Variants in PCDHGA12 observed in about 807,000 individuals in gnomAD.
PCDHGA12 encodes protocadherin gamma-A12.
Under a neutral mutation model 61.1 loss-of-function variants are expected in PCDHGA12, and 43 were observed. The observed-to-expected ratio is 0.70, with a 90% CI of 0.55 to 0.91. PCDHGA12 has a LOEUF of 0.91. PCDHGA12 is among the 40% of genes least tolerant of loss of function. PCDHGA12 has a pLI of 0.00. For missense variants in PCDHGA12, 1,236 were observed against 1,227.7 expected (o/e 1.01, Z -0.10); for synonymous variants, 520 against 542.9 (o/e 0.96, Z 0.59).
At chr5:141,501,305 A>G (rs2099807563) in intron 2 of PCDHGA12, among the ~76,000 whole-genome samples, 1 of 151,322 alleles carries the variant, frequency 6.6e-6, no homozygotes, top group African/African-American at 2.4e-5. Flanking sequence ...ACACACACAC[A>G]CACACACACA....
rs1362496624 is a variant in PCDHGA12, at chr5:141,432,370, C to T, written c.1611C>T (p.Asn537=). Residue 537 remains asparagine, a synonymous_variant, in exon 1 of 4, where the codon AAC becomes AAT. Coordinates refer to ENST00000252085, the MANE Select transcript of PCDHGA12 (RefSeq NM_003735.3). This position sits in a 1 kb window ranked among gnomAD's most constrained non-coding sequence, Gnocchi z 6.0. ...AAGTGAAAGTGATGGCGCGGGACAA[C>T]GGGCACCCGCCCCTCAGCAGCAACG... ...DLQVKVMARD[N]GHPPLSSNVS... is the part of the protein sequence containing the mutation. The T allele has an allele frequency of 6.2e-7, 1 of 1,614,240 alleles. No individual in the cohort carries two copies. Among genetic ancestry groups the T allele is most frequent in the Non-Finnish European group, 8.5e-7 (1 of 1,180,048 alleles).
At chr5:141,449,538 G>A (rs1445815017) in intron 1 of PCDHGA12, among the ~76,000 whole-genome samples, 15 of 145,960 alleles carry the variant, frequency 1.0e-4, no homozygotes, top group East Asian at 4.0e-4. Flanking sequence ...GCAGTGAGCC[G>A]AGATCGCACC....
rs200464357 is a variant in PCDHGA12 at position 141,489,983 on chromosome 5, G to A, written c.2425-4824G>A. 4.5e-5 allele frequency: 73 copies of A among 1,614,172 alleles called. No homozygotes were observed. Among genetic ancestry groups the A allele is most frequent in the Middle Eastern group, 3.3e-4 (2 of 6,062 alleles). ...CCAACCTTCCAATCCTCAGTTCTAC[G>A]TGTGGGAATCCCAGAGAATGCACCC... On this transcript the variant is annotated intron_variant, in intron 1 of 3. Coordinates refer to ENST00000252085, the MANE Select transcript of PCDHGA12 (RefSeq NM_003735.3). This position sits in a 1 kb window ranked among gnomAD's most constrained non-coding sequence, Gnocchi z 4.5.
chr5:141,499,253 T>C (rs1189676230), intron 2 of PCDHGA12, among the ~76,000 whole-genome samples: 1 of 152,030 alleles, frequency 6.6e-6, no homozygotes, highest in Non-Finnish European at 1.5e-5. Context: ...ACAAAGAGTC[T>C]CCATTTGGTC....
intron 1 of PCDHGA12, among the ~76,000 whole-genome samples, chr5:141,462,783 T>C (rs1313584666): frequency 6.6e-6 from 1 of 152,236 alleles, no homozygotes; most frequent in Non-Finnish European, 1.5e-5. Flanking sequence ...CATAATTTGT[T>C]GCTTATTTGC....
rs768648952 is a variant in PCDHGA12 at position 141,477,230 on chromosome 5, G to C, written c.2425-17577G>C. 6.2e-7 allele frequency: 1 copy of C among 1,614,046 alleles called. No homozygotes were observed. Among genetic ancestry groups the C allele is most frequent in the East Asian group, 2.2e-5 (1 of 44,890 alleles). ...GGATGCCCCTCTGGGGACTGTCATC[G>C]CTTTGCTCAGTGTGACTGACCTGGA... On this transcript the variant is annotated intron_variant, in intron 1 of 3. Transcript: ENST00000252085. The surrounding 1 kb of genome is among the most constrained non-coding windows in gnomAD (Gnocchi z 4.9).
intron 2 of PCDHGA12, among the ~76,000 whole-genome samples, chr5:141,500,254 G>A (rs1260325865): frequency 1.3e-5 from 2 of 150,426 alleles, no homozygotes; most frequent in Non-Finnish European, 3.0e-5. Context: ...TGTCACCCAG[G>A]CTGGACTGCA....
intron 1 of PCDHGA12, among the ~76,000 whole-genome samples, chr5:141,434,021 C>A (rs1023145172): frequency 2.0e-5 from 3 of 152,052 alleles, no homozygotes; most frequent in Admixed American, 2.0e-4. Context: ...TTCTATGATT[C>A]TGGAAGCATG....
chr5:141,486,408 C>T lies in PCDHGA12; in HGVS notation c.2425-8399C>T. On this transcript the variant is annotated intron_variant, in intron 1 of 3. Coordinates refer to ENST00000252085, the MANE Select transcript of PCDHGA12 (RefSeq NM_003735.3). This position sits in a 1 kb window ranked among gnomAD's most constrained non-coding sequence, Gnocchi z 5.0. ...CAGTTCTCCCTGGTGACTGCTGGAC[C>T]CTTGGATCGAGAGGCCAAATCTAGC... is the stretch of plus-strand genomic sequence containing the variant. The T allele has an allele frequency of 1.2e-6, 2 of 1,614,156 alleles. No individual in the cohort carries two copies. Among genetic ancestry groups the T allele is most frequent in the South Asian group, 2.2e-5 (2 of 91,084 alleles).
At chr5:141,502,274 A>G (rs573517581) in intron 2 of PCDHGA12, among the ~76,000 whole-genome samples, 18 of 152,128 alleles carry the variant, frequency 1.2e-4, no homozygotes, top group African/African-American at 4.1e-4. Context: ...ATCAAGGAGC[A>G]TAGATTGCAT....
At position 141,432,851 on chromosome 5, in the gene PCDHGA12, G is replaced by T. The variant is rs561153330; in HGVS notation, c.2092G>T (p.Ala698Ser). 8 of 1,614,198 alleles carry T rather than the reference G, an allele frequency of 5.0e-6. No homozygotes were observed. In the African/African-American group the frequency reaches 9.3e-5, roughly 19 times the overall value. ...CACTCTGTACCTGGTGGTAGCGGTG[G>T]CCGCGGTCTCCTGCGTCTTCCTGGC... The part of the protein sequence containing the change: ...DLTLYLVVAV[A>S]AVSCVFLAFV... The change falls in exon 1 of 4, where the codon GCC becomes TCC. Residue 698 changes from alanine (A) to serine (S), a missense_variant. Transcript: ENST00000252085. This position sits in a 1 kb window ranked among gnomAD's most constrained non-coding sequence, Gnocchi z 6.0.
chr5:141,464,921 G>C (rs1562002597), intron 1 of PCDHGA12, among the ~76,000 whole-genome samples: 6 of 151,106 alleles, frequency 4.0e-5, no homozygotes, highest in Admixed American at 3.3e-4. Flanking sequence ...TTATTTTTTT[G>C]TAGAGATGTG....
intron 1 of PCDHGA12, among the ~76,000 whole-genome samples, chr5:141,464,300 A>G (rs1349155102): frequency 2.0e-5 from 3 of 149,898 alleles, no homozygotes; most frequent in East Asian, 1.9e-4. Context: ...ACTCCATTGT[A>G]TGTGCACATA....
intron 1 of PCDHGA12, among the ~76,000 whole-genome samples, chr5:141,433,594 G>A (rs1331681563): frequency 1.3e-5 from 2 of 152,086 alleles, no homozygotes; most frequent in Admixed American, 1.3e-4. Context: ...CCAGTACTTT[G>A]GGAGGCCGAG....
chr5:141,505,294 G>A, intron 2 of PCDHGA12, 99 bp from the exon 3 acceptor site: 1 of 1,572,086 alleles, frequency 6.4e-7, no homozygotes, highest in Non-Finnish European at 8.6e-7. Flanking sequence ...GCATGGGGTA[G>A]GGTTAGGGTA....
At chr5:141,471,860 A>G (rs1470502617) in intron 1 of PCDHGA12, among the ~76,000 whole-genome samples, 1 of 152,202 alleles carries the variant, frequency 6.6e-6, no homozygotes, top group Non-Finnish European at 1.5e-5. Flanking sequence ...AAAAAGCAAA[A>G]CTGTGGTTGC....
chr5:141,503,812 G>C (rs2099831825), intron 2 of PCDHGA12, among the ~76,000 whole-genome samples: 1 of 152,114 alleles, frequency 6.6e-6, no homozygotes, highest in South Asian at 2.1e-4. Context: ...GGGAATCCCA[G>C]ATTGGGCAAA....
intron 1 of PCDHGA12, chr5:141,479,494 G>C (rs747201739): frequency 2.6e-5 from 4 of 152,256 alleles, no homozygotes; most frequent in Non-Finnish European, 5.9e-5. Flanking sequence ...CCATCAGGTT[G>C]CCTAAAGAGG....
At chr5:141,456,635 A>G (rs558958846) in intron 1 of PCDHGA12, among the ~76,000 whole-genome samples, 17 of 152,194 alleles carry the variant, frequency 1.1e-4, no homozygotes, top group Non-Finnish European at 2.2e-4. Context: ...CTTCTTTACT[A>G]CAGGTGTTAA....
Sources: gnomAD v4.1 joint callset for allele counts (sites outside exome capture counted in the v4.1 genomes callset) on GRCh38, gnomAD v4.1.1 for gene constraint, Gnocchi (gnomAD v3.1) non-coding constraint, MANE v1.5 for transcripts, NCBI Gene and HGNC (gene_info 2026-07-23, HGNC 2026-07-21) for gene names.